The following CLIC5 variants were observed in gnomAD, a reference collection of about 807,000 sequenced individuals.
CLIC5 encodes CLIC family member 5, also known as chloride intracellular channel protein 5.
CLIC5 carries 20 observed loss-of-function variants against 24.7 expected under a neutral mutation model. The observed-to-expected ratio is 0.81, with a 90% CI of 0.57 to 1.18. The LOEUF (loss-of-function observed/expected upper bound fraction) is 1.18. Ranked by LOEUF, CLIC5 falls within the 50% of genes most tolerant of loss-of-function variation. The probability of loss-of-function intolerance (pLI) is 0.00; values close to 1 mark genes in which losing one functional copy is unlikely to be tolerated. For missense variants in CLIC5, 341 were observed against 326.1 expected, an observed-to-expected ratio of 1.05 and a Z score of -0.35; for synonymous variants, 159 against 135.6, an observed-to-expected ratio of 1.17 and a Z score of -1.20.
intron 4 of CLIC5, chr6:45,920,571 G>T: frequency 2.0e-6 from 1 of 511,766 alleles, no homozygotes; most frequent in Non-Finnish European, 2.5e-6. Context: ...GGCCACACTT[G>T]TTGACATTTG....
chr6:46,034,291 C>CT (rs1334843168), intron 1 of CLIC5, among the ~76,000 whole-genome samples: 2 of 152,248 alleles, frequency 1.3e-5, no homozygotes, highest in African/African-American at 4.8e-5. Context: ...CCAGGTAATT[C>CT]TAACTTGCAC....
chr6:46,024,024 A>G (rs1182929253), intron 1 of CLIC5, among the ~76,000 whole-genome samples: 2 of 152,184 alleles, frequency 1.3e-5, no homozygotes, highest in Admixed American at 6.5e-5. Context: ...AGGGAATAGC[A>G]TTAAAGAGAG....
chr6:45,969,301 C>A (rs1312253139), intron 1 of CLIC5, among the ~76,000 whole-genome samples: 2 of 152,192 alleles, frequency 1.3e-5, no homozygotes, highest in Admixed American at 1.3e-4. Flanking sequence ...GGAAGAACCA[C>A]CTGTGACCAC....
intron 1 of CLIC5, among the ~76,000 whole-genome samples, chr6:46,005,988 ATATATATATATT>A (rs1331103348): frequency 1.5e-4 from 19 of 123,538 alleles, no homozygotes; most frequent in African/African-American, 5.7e-4. Flanking sequence ...GTGTATATAT[ATATATATATATT>A]TATATATATA....
chr6:46,060,800 G>C (rs900924265), intron 1 of CLIC5, among the ~76,000 whole-genome samples: 1 of 152,016 alleles, frequency 6.6e-6, no homozygotes, highest in Non-Finnish European at 1.5e-5. Flanking sequence ...CCATCTCTGC[G>C]TGCCTTCAGT....
At chr6:45,911,111 C>T (rs1051520897) in intron 5 of CLIC5, among the ~76,000 whole-genome samples, 2 of 152,150 alleles carry the variant, frequency 1.3e-5, no homozygotes, top group Admixed American at 6.5e-5. Context: ...TCTACAGAGC[C>T]CCTAAGTTTG....
At chr6:46,071,709 C>G (rs1278842111) in intron 1 of CLIC5, among the ~76,000 whole-genome samples, 1 of 152,078 alleles carries the variant, frequency 6.6e-6, no homozygotes, top group Non-Finnish European at 1.5e-5. Context: ...ACAGAATGAC[C>G]CTTCTACCCA....
At chr6:46,040,031 C>T (rs1021192067) in intron 1 of CLIC5, among the ~76,000 whole-genome samples, 3 of 152,212 alleles carry the variant, frequency 2.0e-5, no homozygotes, top group African/African-American at 7.2e-5. Flanking sequence ...CCCAACCTCT[C>T]AGCATCCATT....
chr6:45,971,519 A>G (rs1765200429), intron 1 of CLIC5, among the ~76,000 whole-genome samples: 1 of 152,212 alleles, frequency 6.6e-6, no homozygotes, highest in Non-Finnish European at 1.5e-5. Context: ...TTGTTGGACT[A>G]TGTTTAGAAC....
At chr6:46,072,376 C>T (rs537332228) in intron 1 of CLIC5, among the ~76,000 whole-genome samples, 14 of 151,660 alleles carry the variant, frequency 9.2e-5, no homozygotes, top group Admixed American at 6.6e-4. Flanking sequence ...TCAGTAGTGG[C>T]CAAGATGAAG....
chr6:45,992,937 G>A (rs1765994832), intron 1 of CLIC5, among the ~76,000 whole-genome samples: 1 of 152,168 alleles, frequency 6.6e-6, no homozygotes, highest in Non-Finnish European at 1.5e-5. Flanking sequence ...GTGCATATGT[G>A]TGCCTGTGTG....
chr6:46,092,068 T>C, the CLIC5 span, among the ~76,000 whole-genome samples: 1 of 152,208 alleles, frequency 6.6e-6, no homozygotes, highest in African/African-American at 2.4e-5. Flanking sequence ...TGTGAGGTGA[T>C]AACAACTCTT....
intron 4 of CLIC5, among the ~76,000 whole-genome samples, chr6:45,940,499 G>A (rs1203249151): frequency 6.6e-6 from 1 of 152,212 alleles, no homozygotes; most frequent in Non-Finnish European, 1.5e-5. Flanking sequence ...CTTTTACCAT[G>A]CATAGCTGCA....
the CLIC5 span, among the ~76,000 whole-genome samples, chr6:46,127,857 G>A: frequency 5.3e-5 from 8 of 152,290 alleles, no homozygotes; most frequent in East Asian, 5.8e-4. Flanking sequence ...AAATCTAGAC[G>A]TCATTTCTAT....
chr6:46,127,374 C>T, the CLIC5 span, among the ~76,000 whole-genome samples: 1 of 152,148 alleles, frequency 6.6e-6, no homozygotes. Flanking sequence ...GGGGTATATT[C>T]ATTTGTAAAT....
intron 1 of CLIC5, among the ~76,000 whole-genome samples, chr6:46,010,663 G>A (rs145112653): frequency 0.012 from 1,811 of 152,288 alleles, 34 homozygotes; most frequent in African/African-American, 0.041. Context: ...GGCAGTGGAC[G>A]TCAGCTTCTG....
chr6:45,979,520 G>A (rs1261147111), intron 1 of CLIC5, among the ~76,000 whole-genome samples: 1 of 152,214 alleles, frequency 6.6e-6, no homozygotes, highest in Non-Finnish European at 1.5e-5. Flanking sequence ...CACTCTTCCA[G>A]CCTTCTGCCT....
intron 1 of CLIC5, among the ~76,000 whole-genome samples, chr6:45,995,587 C>T (rs1766105312): frequency 6.6e-6 from 1 of 152,194 alleles, no homozygotes; most frequent in African/African-American, 2.4e-5. Flanking sequence ...AAATAATGTA[C>T]TGAAGTTGTA....
chr6:45,973,201 G>A (rs1765262051), intron 1 of CLIC5, among the ~76,000 whole-genome samples: 1 of 152,158 alleles, frequency 6.6e-6, no homozygotes, highest in East Asian at 1.9e-4. Flanking sequence ...TTTGCCTGTG[G>A]GACCAGTCAG....
Sources: gnomAD v4.1 joint callset for allele counts (sites outside exome capture counted in the v4.1 genomes callset) on GRCh38, gnomAD v4.1.1 for gene constraint, MANE v1.5 for transcripts, NCBI Gene and HGNC (gene_info 2026-07-23, HGNC 2026-07-21) for gene names.